UBE2G1: variants seen among roughly 807,000 people sequenced by gnomAD.
The protein encoded by UBE2G1 is ubiquitin-conjugating enzyme E2 G1.
UBE2G1 carries 5 observed loss-of-function variants against 22.7 expected under a neutral mutation model. The ratio of observed to expected loss-of-function variants is 0.22; its 90% CI spans 0.12 to 0.46. UBE2G1 has a LOEUF of 0.46. Among genes scored for constraint, UBE2G1 ranks in the 20% least tolerant of loss-of-function variants. UBE2G1 has a pLI of 0.99. For missense variants in UBE2G1, 88 were observed against 203.9 expected (o/e 0.43, Z 3.46); for synonymous variants, 74 against 67.5 (o/e 1.10, Z -0.47).
At chr17:4,329,968 C>A (rs553223522) in intron 1 of UBE2G1, among the ~76,000 whole-genome samples, 1 of 152,038 alleles carries the variant, frequency 6.6e-6, no homozygotes, top group South Asian at 2.1e-4. Context: ...TCATGACTCA[C>A]CAGGAGAAAG....
chr17:4,352,957 G>A (rs944822804), intron 1 of UBE2G1, among the ~76,000 whole-genome samples: 2 of 151,962 alleles, frequency 1.3e-5, no homozygotes, highest in Admixed American at 6.6e-5. Flanking sequence ...ACTGGCTCAC[G>A]CCTGTAATCC....
intron 1 of UBE2G1, among the ~76,000 whole-genome samples, chr17:4,361,803 A>G (rs57407320): frequency 0.048 from 7,259 of 151,968 alleles, 607 homozygotes; most frequent in African/African-American, 0.17. Context: ...AAGCCTGGGC[A>G]TCGTGGCACA....
At chr17:4,295,002 C>CGGAG (rs746009044) in intron 3 of UBE2G1, among the ~76,000 whole-genome samples, 1 of 151,622 alleles carries the variant, frequency 6.6e-6, no homozygotes, top group Non-Finnish European at 1.5e-5. Flanking sequence ...GAAGGAGAGA[C>CGGAG]GGAGGGAGGG....
chr17:4,296,908 T>A, intron 2 of UBE2G1, 94 bp from the exon 3 acceptor site: 2 of 1,058,442 alleles, frequency 1.9e-6, no homozygotes, highest in Non-Finnish European at 1.4e-6. Context: ...GTGCTAGCAC[T>A]AACATCAAAA....
chr17:4,354,521 GA>G (rs948326167), intron 1 of UBE2G1, among the ~76,000 whole-genome samples: 1 of 151,524 alleles, frequency 6.6e-6, no homozygotes, highest in African/African-American at 2.4e-5. Flanking sequence ...ACTCCCAAAA[GA>G]AAAAAAATAA....
chr17:4,311,391 T>C (rs1969308328), intron 1 of UBE2G1, among the ~76,000 whole-genome samples: 2 of 152,054 alleles, frequency 1.3e-5, no homozygotes, highest in African/African-American at 4.8e-5. Context: ...GCTGTAATAA[T>C]CAAAAGGCAG....
intron 1 of UBE2G1, among the ~76,000 whole-genome samples, chr17:4,356,122 G>A (rs1969903585): frequency 1.4e-5 from 2 of 145,162 alleles, no homozygotes; most frequent in East Asian, 2.2e-4. Flanking sequence ...TTGGGAGGCT[G>A]AAGCGGGCAG....
chr17:4,334,720 A>G (rs1023768870), intron 1 of UBE2G1, among the ~76,000 whole-genome samples: 1 of 152,076 alleles, frequency 6.6e-6, no homozygotes, highest in Non-Finnish European at 1.5e-5. Context: ...TTGTATTTTT[A>G]GTAGAGACAG....
At chr17:4,301,973 G>A in intron 2 of UBE2G1, 1 of 488,690 alleles carries the variant, frequency 2.0e-6, no homozygotes, top group Admixed American at 2.2e-5. Context: ...ACTAATCTGT[G>A]CCTTCCTTGG....
chr17:4,270,004 T>A lies in UBE2G1; in HGVS notation c.*2550A>T, dbSNP rs1166112987. ...AACACTGAGAAAGGCACAGATGACATCTCCGACAGAGGAAGGGAAGTTGTA... is the reference window on the plus strand; with the variant it reads ...AACACTGAGAAAGGCACAGATGACAACTCCGACAGAGGAAGGGAAGTTGTA... On this transcript the variant is annotated 3_prime_UTR_variant, in exon 6 of 6. Transcript: ENST00000396981. 6.6e-6 allele frequency: 1 copy of A among 152,488 alleles called. No homozygotes were observed. Among genetic ancestry groups the A allele is most frequent in the African/African-American group, 2.4e-5 (1 of 41,376 alleles). 9.4% of individuals were successfully genotyped at this position (152,488 alleles called of 1,614,324 possible).
chr17:4,300,145 G>A (rs1045800425), intron 2 of UBE2G1, among the ~76,000 whole-genome samples: 2 of 150,740 alleles, frequency 1.3e-5, no homozygotes, highest in African/African-American at 2.4e-5. Flanking sequence ...AACTTCTACC[G>A]AGCAGCCAAG....
Position 4,283,072 on chromosome 17 carries a change from C to T in UBE2G1, c.427-151G>A, listed in dbSNP as rs1046507137. The T allele has an allele frequency of 4.7e-6, 3 of 635,726 alleles. No homozygotes were observed. The African/African-American group carries it at 5.5e-5, about 12-fold the overall frequency. 39.4% of individuals were successfully genotyped at this position (635,726 alleles called of 1,614,324 possible). ...AAAAGGTAGAAAGCAGTTAGACATA[C>T]TTTTTCAAGACACTACCAGGATATA... On this transcript the variant is annotated intron_variant, in intron 4 of 5. Coordinates refer to ENST00000396981, the MANE Select transcript of UBE2G1 (RefSeq NM_003342.5).
At chr17:4,309,580 A>C (rs1272868110) in intron 1 of UBE2G1, among the ~76,000 whole-genome samples, 1 of 152,204 alleles carries the variant, frequency 6.6e-6, no homozygotes, top group Non-Finnish European at 1.5e-5. Context: ...AGAAAGTCCC[A>C]CTTTCCTGTC....
chr17:4,294,785 G>A lies in UBE2G1; in HGVS notation c.247+1932C>T, dbSNP rs539352488. Among the ~76,000 whole-genome samples the A allele has an allele frequency of 3.3e-5, 5 of 152,200 alleles. No individual in the cohort carries two copies. The South Asian group carries it at 6.2e-4, about 19-fold the overall frequency. Reference sequence around the variant, plus strand: ...ACAAAAATTAGCTGGGTGTGGTGGCGTGTCCCTGTCATCCCAGCTACTTGG... The same window carrying A: ...ACAAAAATTAGCTGGGTGTGGTGGCATGTCCCTGTCATCCCAGCTACTTGG... On this transcript the variant is annotated intron_variant, in intron 3 of 5. Transcript: ENST00000396981.
At chr17:4,295,663 T>C (rs1340322203) in intron 3 of UBE2G1, among the ~76,000 whole-genome samples, 1 of 152,168 alleles carries the variant, frequency 6.6e-6, no homozygotes, top group Non-Finnish European at 1.5e-5. Context: ...AAGAAATCTC[T>C]GCAAGTTCTA....
intron 2 of UBE2G1, among the ~76,000 whole-genome samples, chr17:4,300,937 C>A (rs4790190): frequency 0.95 from 141,837 of 149,608 alleles, 67,603 homozygotes; most frequent in South Asian, 1. Context: ...TGTTTTCAAA[C>A]AAAAAAAAAA....
At chr17:4,307,401 T>C (rs1368570461) in intron 1 of UBE2G1, among the ~76,000 whole-genome samples, 1 of 152,174 alleles carries the variant, frequency 6.6e-6, no homozygotes, top group Non-Finnish European at 1.5e-5. Flanking sequence ...TTAAGGAAGC[T>C]TGTTAAAATG....
chr17:4,314,356 T>C (rs941506482), intron 1 of UBE2G1, among the ~76,000 whole-genome samples: 6 of 152,212 alleles, frequency 3.9e-5, no homozygotes, highest in Admixed American at 6.5e-5. Context: ...ATGGGACAAT[T>C]TGAGTGTCAA....
intron 4 of UBE2G1, 59 bp downstream of exon 4, chr17:4,289,171 T>C (rs1969005983): frequency 5.6e-6 from 8 of 1,425,104 alleles, no homozygotes; most frequent in African/African-American, 2.9e-5. Flanking sequence ...ATACTAACTA[T>C]AGTTCAGGTT....
Sources: allele counts gnomAD v4.1 joint callset (sites outside exome capture counted in the v4.1 genomes callset), GRCh38; gene constraint gnomAD v4.1.1; transcripts MANE v1.5; gene names NCBI Gene and HGNC (gene_info 2026-07-23, HGNC 2026-07-21).